The following NALF1 variants were observed in gnomAD, a reference collection of about 807,000 sequenced individuals.
The protein encoded by NALF1 is family with sequence similarity 155 member A.
Under a neutral mutation model 48.4 loss-of-function variants are expected in NALF1, and 3 were observed. The observed-to-expected ratio is 0.06, with a 90% CI of 0.03 to 0.16. The LOEUF is 0.16. Among genes scored for constraint, NALF1 ranks in the 10% least tolerant of loss-of-function variants. The pLI is 1.00. For missense variants in NALF1, 526 were observed against 571.5 expected (o/e 0.92, Z 0.81); for synonymous variants, 262 against 245.7 (o/e 1.07, Z -0.62).
At chr13:107,824,600 A>T (rs1879457448) in intron 1 of NALF1, among the ~76,000 whole-genome samples, 1 of 152,232 alleles carries the variant, frequency 6.6e-6, no homozygotes, top group Non-Finnish European at 1.5e-5. Flanking sequence ...GTACTAATCC[A>T]GATTGAGGAA....
At chr13:107,578,934 C>T (rs1878225589) in intron 1 of NALF1, among the ~76,000 whole-genome samples, 1 of 152,184 alleles carries the variant, frequency 6.6e-6, no homozygotes, top group African/African-American at 2.4e-5. Flanking sequence ...CTCCCATCTT[C>T]CATGTATAAG....
chr13:107,564,799 A>C (rs1382575714), intron 1 of NALF1, among the ~76,000 whole-genome samples: 2 of 152,066 alleles, frequency 1.3e-5, no homozygotes, highest in Non-Finnish European at 2.9e-5. Context: ...TCACTTTTCC[A>C]ATCTACAGTT....
chr13:107,463,093 T>C (rs1884945950), intron 1 of NALF1, among the ~76,000 whole-genome samples: 1 of 152,176 alleles, frequency 6.6e-6, no homozygotes, highest in Admixed American at 6.5e-5. Flanking sequence ...GTCTGAATCT[T>C]GAAGAGGAAA....
At chr13:107,850,119 CT>C (rs1205692331) in intron 1 of NALF1, among the ~76,000 whole-genome samples, 13 of 152,134 alleles carry the variant, frequency 8.5e-5, no homozygotes, top group African/African-American at 3.1e-4. Flanking sequence ...GTTTTCTTAT[CT>C]GCAAAATGGG....
chr13:107,701,203 T>C (rs1428703107), intron 1 of NALF1, among the ~76,000 whole-genome samples: 1 of 152,170 alleles, frequency 6.6e-6, no homozygotes, highest in Non-Finnish European at 1.5e-5. Flanking sequence ...ATTGCAGCAT[T>C]ATTCCCAAGA....
chr13:107,235,174 A>G (rs1283799177), intron 1 of NALF1, among the ~76,000 whole-genome samples: 1 of 152,198 alleles, frequency 6.6e-6, no homozygotes, highest in Non-Finnish European at 1.5e-5. Flanking sequence ...ATCTTAGTAG[A>G]AATCCATAAA....
chr13:107,535,699 C>T (rs1179659509), intron 1 of NALF1, among the ~76,000 whole-genome samples: 13 of 152,168 alleles, frequency 8.5e-5, no homozygotes, highest in Non-Finnish European at 1.9e-4. Context: ...CTACCAATGA[C>T]TTTCTTCACA....
chr13:107,648,043 G>T (rs1439959087), intron 1 of NALF1, among the ~76,000 whole-genome samples: 1 of 152,106 alleles, frequency 6.6e-6, no homozygotes, highest in Non-Finnish European at 1.5e-5. Context: ...TTTAATCAAT[G>T]AGTTACATTT....
intron 1 of NALF1, among the ~76,000 whole-genome samples, chr13:107,654,330 C>A (rs773973540): frequency 1.3e-5 from 2 of 152,076 alleles, no homozygotes; most frequent in Non-Finnish European, 2.9e-5. Flanking sequence ...CAAAAGTAGG[C>A]GCTTAGCAAT....
rs1048297935 is a variant in NALF1, at chr13:107,771,233, T to A, written c.915+94449A>T. 2.1e-5 allele frequency among the ~76,000 whole-genome samples: 3 copies of A among 144,242 alleles called. No individual in the cohort carries two copies. In the East Asian group the frequency reaches 6.1e-4, roughly 29 times the overall value. 94.6% of individuals were successfully genotyped at this position (144,242 alleles called of 152,430 possible). A position where few individuals can be genotyped will look rare whatever the true frequency, so the allele number is the denominator to read the frequency against. On this transcript the variant is annotated intron_variant, in intron 1 of 2. Coordinates refer to ENST00000375915, the MANE Select transcript of NALF1 (RefSeq NM_001080396.3). ...CCTAAATTTATATATTGGTTTGAGA[T>A]GTTATTTTAACATGTTGTGTGTGTG... is the stretch of plus-strand genomic sequence containing the variant.
At chr13:107,496,294 A>C (rs1237444) in intron 1 of NALF1, among the ~76,000 whole-genome samples, 117,789 of 152,120 alleles carry the variant, frequency 0.77, 46,041 homozygotes, top group Middle Eastern at 0.88. Flanking sequence ...AAGGACCTGA[A>C]TGACAAACAG....
In NALF1 at chr13:107,866,238, T is replaced by A; in HGVS notation, c.359A>T (p.His120Leu). The change falls in exon 1 of 3, where the codon CAC becomes CTC. Residue 120 changes from histidine (H) to leucine (L), a missense_variant. Transcript: ENST00000375915. This position sits in a 1 kb window ranked among gnomAD's most constrained non-coding sequence, Gnocchi z 4.4. ...GGACGAGGAGGCGGAGAGGAGTCTG[T>A]GTGCCTGGGCGGCGGGCGAGGACTC... ...MGESSPAAQA[H>L]RLLSASSSPT... 6.3e-7 allele frequency: 1 copy of A among 1,594,532 alleles called. No individual in the cohort carries two copies.
At chr13:107,217,071 C>T (rs74116533) in intron 1 of NALF1, among the ~76,000 whole-genome samples, 9,651 of 152,228 alleles carry the variant, frequency 0.063, 1,033 homozygotes, top group African/African-American at 0.22. Context: ...CTTTTTCTCT[C>T]TTCCTCATTA....
At chr13:107,344,152 A>C (rs1411330501) in intron 1 of NALF1, among the ~76,000 whole-genome samples, 1 of 152,170 alleles carries the variant, frequency 6.6e-6, no homozygotes, top group East Asian at 1.9e-4. Context: ...GAATTAGAAA[A>C]TCGCAACAGA....
intron 1 of NALF1, among the ~76,000 whole-genome samples, chr13:107,519,916 A>T (rs1015974145): frequency 1.3e-5 from 2 of 152,172 alleles, no homozygotes; most frequent in Non-Finnish European, 2.9e-5. Flanking sequence ...GGACATTTTA[A>T]CAAATGTAGT....
Position 107,167,992 on chromosome 13 carries a change from ATAATT to A in NALF1, c.*2500_*2504del, listed in dbSNP as rs1488750098. The A allele has an allele frequency of 1.3e-5, 2 of 152,266 alleles. No individual in the cohort carries two copies. Among genetic ancestry groups the A allele is most frequent in the African/African-American group, 4.8e-5 (2 of 41,462 alleles). 9.4% of individuals were successfully genotyped at this position (152,266 alleles called of 1,614,324 possible). ...TCATTTTGCTAAGTGTTTAGAAAGAATAATTTATTGTCATACCAATAAAAGTGAGT... is the reference window on the plus strand; with the variant it reads ...TCATTTTGCTAAGTGTTTAGAAAGAATATTGTCATACCAATAAAAGTGAGT... On this transcript the variant is annotated 3_prime_UTR_variant, in exon 3 of 3. Coordinates refer to ENST00000375915, the MANE Select transcript of NALF1 (RefSeq NM_001080396.3).
At chr13:107,725,213 T>G (rs1345476957) in intron 1 of NALF1, among the ~76,000 whole-genome samples, 2 of 152,242 alleles carry the variant, frequency 1.3e-5, no homozygotes, top group African/African-American at 2.4e-5. Context: ...TCCTCTGTAT[T>G]TCTCTCTTCA....
intron 1 of NALF1, among the ~76,000 whole-genome samples, chr13:107,605,678 G>C (rs1219946380): frequency 6.6e-6 from 1 of 152,084 alleles, no homozygotes; most frequent in East Asian, 1.9e-4. Context: ...ATGTTCTATA[G>C]CCTAAAAATG....
intron 1 of NALF1, among the ~76,000 whole-genome samples, chr13:107,467,411 C>G (rs1031018724): frequency 1.1e-4 from 16 of 151,248 alleles, no homozygotes; most frequent in Non-Finnish European, 7.4e-5. Flanking sequence ...AAAAACAGTT[C>G]CCCAGAATAA....
Sources: gnomAD v4.1 joint callset for allele counts (sites outside exome capture counted in the v4.1 genomes callset) on GRCh38, gnomAD v4.1.1 for gene constraint, Gnocchi (gnomAD v3.1) non-coding constraint, MANE v1.5 for transcripts, NCBI Gene and HGNC (gene_info 2026-07-23, HGNC 2026-07-21) for gene names.